The following VPS53 variants were observed in gnomAD, a reference collection of about 807,000 sequenced individuals.
VPS53 encodes the protein vacuolar protein sorting-associated protein 53 homolog.
Under a neutral mutation model 107.0 loss-of-function variants are expected in VPS53, and 70 were observed. The ratio of observed to expected loss-of-function variants is 0.65; its 90% CI spans 0.54 to 0.80. The LOEUF (loss-of-function observed/expected upper bound fraction) is 0.80. Among genes scored for constraint, VPS53 ranks in the 30% least tolerant of loss-of-function variants. The probability of loss-of-function intolerance (pLI) is 0.00; values close to 1 mark genes in which losing one functional copy is unlikely to be tolerated. For missense variants in VPS53, 917 were observed against 1,049.4 expected (o/e 0.87, Z 1.74); for synonymous variants, 409 against 393.3 (o/e 1.04, Z -0.47).
At chr17:536,936 G>T in intron 18 of VPS53, 92 bp downstream of exon 18, 3 of 1,501,854 alleles carry the variant, frequency 2.0e-6, no homozygotes, top group Non-Finnish European at 2.7e-6. Context: ...TGTGCTTGCT[G>T]CTTAATTTGG....
chr17:553,712 A>C (rs1597289553), intron 15 of VPS53, among the ~76,000 whole-genome samples: 1 of 151,678 alleles, frequency 6.6e-6, no homozygotes, highest in East Asian at 1.9e-4. Flanking sequence ...CTGGGACTAC[A>C]GGCGTGCGCT....
chr17:552,082 G>T, intron 16 of VPS53, 132 bp from the exon 17 acceptor site: 1 of 768,480 alleles, frequency 1.3e-6, no homozygotes, highest in Non-Finnish European at 2.0e-6. Flanking sequence ...TAATGACAGC[G>T]GAGGAACAGC....
chr17:653,535 T>C, intron 6 of VPS53, 125 bp from the exon 7 acceptor site: 2 of 1,432,816 alleles, frequency 1.4e-6, no homozygotes, highest in East Asian at 2.4e-5. Flanking sequence ...CGCTGAGCAC[T>C]GAGTATATAA....
At chr17:670,450 G>C (rs1170877776) in intron 4 of VPS53, among the ~76,000 whole-genome samples, 2 of 152,214 alleles carry the variant, frequency 1.3e-5, no homozygotes, top group Admixed American at 6.5e-5. Flanking sequence ...GGAGGAGACG[G>C]TGAGCAGGCT....
At chr17:634,453 C>T (rs540414039) in intron 7 of VPS53, among the ~76,000 whole-genome samples, 3 of 151,748 alleles carry the variant, frequency 2.0e-5, no homozygotes, top group Non-Finnish European at 2.9e-5. Context: ...TGTGCAGGTT[C>T]GTTACATATG....
At chr17:550,988 A>C (rs908835185) in intron 17 of VPS53, among the ~76,000 whole-genome samples, 1 of 152,220 alleles carries the variant, frequency 6.6e-6, no homozygotes, top group Admixed American at 6.5e-5. Flanking sequence ...TTACTACTTT[A>C]AGCACTAATG....
chr17:619,166 G>T (rs560358669), intron 11 of VPS53, among the ~76,000 whole-genome samples: 2 of 143,470 alleles, frequency 1.4e-5, no homozygotes, highest in Non-Finnish European at 3.0e-5. Context: ...AGGTAGCTGG[G>T]ACTACAGGTG....
At chr17:678,998 C>CCGTA (rs1972279965) in intron 4 of VPS53, among the ~76,000 whole-genome samples, 3 of 152,184 alleles carry the variant, frequency 2.0e-5, no homozygotes, top group South Asian at 4.2e-4. Context: ...CAGAGAAAAG[C>CCGTA]CGTACCTTTA....
intron 12 of VPS53, among the ~76,000 whole-genome samples, chr17:593,605 T>C (rs1967795827): frequency 6.6e-6 from 1 of 152,112 alleles, no homozygotes; most frequent in African/African-American, 2.4e-5. Context: ...AAAACCACGA[T>C]GAGATACCAT....
intron 17 of VPS53, among the ~76,000 whole-genome samples, chr17:542,853 C>T (rs1910806954): frequency 6.6e-6 from 1 of 151,988 alleles, no homozygotes; most frequent in Admixed American, 6.6e-5. Flanking sequence ...TGGCAGGCAC[C>T]TGCAATCCCA....
At chr17:680,156 T>C (rs886163961) in intron 4 of VPS53, among the ~76,000 whole-genome samples, 6 of 152,166 alleles carry the variant, frequency 3.9e-5, no homozygotes, top group Non-Finnish European at 7.3e-5. Context: ...TAGCCGGTCA[T>C]GGTAGCAGGC....
At chr17:602,356 T>A (rs530198472) in intron 11 of VPS53, among the ~76,000 whole-genome samples, 25 of 152,384 alleles carry the variant, frequency 1.6e-4, no homozygotes, top group African/African-American at 5.5e-4. Flanking sequence ...GTGCCTAGCA[T>A]GTAGCAGGTC....
intron 17 of VPS53, among the ~76,000 whole-genome samples, chr17:543,516 C>T (rs1009313555): frequency 6.6e-6 from 1 of 151,988 alleles, no homozygotes. Context: ...GTGATGTGAG[C>T]AGCCCTAGGA....
In VPS53 at chr17:508,782, C is replaced by A. The variant is rs934598034; in HGVS notation, c.*10346G>T. 8 of 152,172 alleles carry A rather than the reference C, an allele frequency of 5.3e-5. No individual in the cohort carries two copies. In the East Asian group the frequency reaches 1.5e-3, roughly 29 times the overall value. 9.4% of individuals were successfully genotyped at this position (152,172 alleles called of 1,614,324 possible). On this transcript the variant is annotated 3_prime_UTR_variant, in exon 22 of 22. Coordinates refer to ENST00000437048, the MANE Select transcript of VPS53 (RefSeq NM_001128159.3). Reference sequence around the variant, plus strand: ...TCTTAGCTGGATTAAATCAAGATTTCTCTATTCTGTGCAACCCAGAAGTAA... The same window carrying A: ...TCTTAGCTGGATTAAATCAAGATTTATCTATTCTGTGCAACCCAGAAGTAA...
intron 13 of VPS53, among the ~76,000 whole-genome samples, chr17:571,522 C>A (rs1597319793): frequency 7.0e-6 from 1 of 143,386 alleles, no homozygotes; most frequent in Non-Finnish European, 1.5e-5. Flanking sequence ...CTCCCTCTCC[C>A]TCTCCCTACG....
intron 7 of VPS53, among the ~76,000 whole-genome samples, chr17:638,434 AT>A (rs573184382): frequency 1.2e-4 from 18 of 152,148 alleles, no homozygotes; most frequent in Admixed American, 7.9e-4. Context: ...TAATATTGTT[AT>A]GTGTGAATTT....
chr17:522,121 G>T (rs573867032), intron 19 of VPS53, among the ~76,000 whole-genome samples: 1 of 152,134 alleles, frequency 6.6e-6, no homozygotes, highest in African/African-American at 2.4e-5. Context: ...AGGCGTGGGG[G>T]TGCGCATCTG....
intron 15 of VPS53, among the ~76,000 whole-genome samples, chr17:556,215 G>A (rs1476652518): frequency 6.6e-6 from 1 of 152,136 alleles, no homozygotes; most frequent in Non-Finnish European, 1.5e-5. Context: ...TTTCGTTCCA[G>A]GTTTCAGTGA....
At chr17:659,723 G>T (rs1971369055) in intron 5 of VPS53, among the ~76,000 whole-genome samples, 1 of 152,030 alleles carries the variant, frequency 6.6e-6, no homozygotes, top group Non-Finnish European at 1.5e-5. Flanking sequence ...TTCTCCCTCT[G>T]CTTCATCTCA....
Sources: allele counts gnomAD v4.1 joint callset (sites outside exome capture counted in the v4.1 genomes callset), GRCh38; gene constraint gnomAD v4.1.1; transcripts MANE v1.5; gene names NCBI Gene and HGNC (gene_info 2026-07-23, HGNC 2026-07-21).